FAM222B: variants seen among roughly 807,000 people sequenced by gnomAD.
FAM222B encodes the protein protein FAM222B.
A neutral mutation model predicts 38.0 loss-of-function variants in FAM222B; 12 were observed. The ratio of observed to expected loss-of-function variants is 0.32; its 90% confidence interval spans 0.20 to 0.51. The LOEUF (loss-of-function observed/expected upper bound fraction) is 0.51, where lower values mean the gene tolerates loss of function less well. Ranked by LOEUF, FAM222B falls within the 20% of genes least tolerant of loss-of-function variation. The pLI is 0.97. For synonymous variants in FAM222B, 329 were observed against 317.2 expected (o/e 1.04, Z -0.40); for missense variants, 716 against 754.2 (o/e 0.95, Z 0.59).
chr17:28,775,881 C>CAAA (rs576335143), intron 1 of FAM222B, among the ~76,000 whole-genome samples: 1 of 119,270 alleles, frequency 8.4e-6, no homozygotes, highest in African/African-American at 3.1e-5. Context: ...ACTCCATCTC[C>CAAA]AAAAAAAAAA....
Position 28,766,695 on chromosome 17 carries a change from G to A in FAM222B, c.-28C>T. 6.4e-7 allele frequency: 1 copy of A among 1,557,686 alleles called. No homozygotes were observed. Among genetic ancestry groups the A allele is most frequent in the Non-Finnish European group, 8.8e-7 (1 of 1,140,632 alleles). On this transcript the variant is annotated 5_prime_UTR_variant, in exon 2 of 3. Transcript: ENST00000581407. ...CAGATTGGCATCAACACAACATGGG[G>A]CAGTGGCTCACACTGTAATGAACAA... is the stretch of plus-strand genomic sequence containing the variant.
At position 28,759,215 on chromosome 17, in the gene FAM222B, A is replaced by G; in HGVS notation, c.744T>C (p.Thr248=). The change falls in exon 3 of 3, where the codon ACT becomes ACC. Residue 248 remains threonine (T), a synonymous_variant. Transcript: ENST00000581407. The surrounding 1 kb of genome is among the most constrained non-coding windows in gnomAD (Gnocchi z 4.8). ...APPNVTVSTS[T]IPLSMAATLQ... ...GAGTGGCCGCCATTGAAAGGGGGAT[A>G]GTTGAGGTAGACACGGTCACATTCG... The G allele has an allele frequency of 6.2e-7, 1 of 1,613,380 alleles. No homozygotes were observed. The highest frequency in any genetic ancestry group is 2.2e-5 in the East Asian group (1 of 44,856).
At chr17:28,846,015 A>T (rs1460719972), upstream of FAM222B, among the ~76,000 whole-genome samples, 1 of 151,046 alleles carries the variant, frequency 6.6e-6, no homozygotes, top group Non-Finnish European at 1.5e-5. Flanking sequence ...CATCCTGGCT[A>T]ACACGGTGAA....
chr17:28,818,257 G>A (rs149028643), intron 1 of FAM222B, among the ~76,000 whole-genome samples: 3 of 152,074 alleles, frequency 2.0e-5, no homozygotes, highest in East Asian at 1.9e-4. Flanking sequence ...GGCCAGGCGC[G>A]GTGGCTCACG....
chr17:28,767,140 G>A (rs1279732033), intron 1 of FAM222B: 1 of 154,090 alleles, frequency 6.5e-6, no homozygotes, highest in Non-Finnish European at 1.4e-5. Context: ...TTGTGAGCCA[G>A]TAATATGAAC....
At chr17:28,768,005 C>T (rs117201573) in intron 1 of FAM222B, among the ~76,000 whole-genome samples, 61 of 152,280 alleles carry the variant, frequency 4.0e-4, no homozygotes, top group South Asian at 1.9e-3. Flanking sequence ...ATGTCAAGAC[C>T]GCACGAGTTT....
chr17:28,759,254 G>A lies in FAM222B; in HGVS notation c.705C>T (p.Asp235=). ...CGGTCACATTCGGGGGGGCATCTGA[G>A]TCTGGCATCTTCCGGCCTCCATGCA... ...PLLHGGRKMP[D]SDAPPNVTVS... is the part of the protein sequence containing the mutation. Residue 235 remains aspartate, a synonymous_variant, in exon 3 of 3, where the codon GAC becomes GAT. Coordinates refer to ENST00000581407, the MANE Select transcript of FAM222B (RefSeq NM_001077498.3). This position sits in a 1 kb window ranked among gnomAD's most constrained non-coding sequence, Gnocchi z 4.8. 1.2e-6 allele frequency: 2 copies of A among 1,613,670 alleles called. No individual in the cohort carries two copies. The highest frequency in any genetic ancestry group is 1.7e-6 in the Non-Finnish European group (2 of 1,179,784).
chr17:28,782,937 ACCAT>A lies in FAM222B; in HGVS notation c.-40-16234_-40-16231del, dbSNP rs549949666. The stretch of plus-strand genomic sequence containing the variant: ...CGGATCACGAGGTCAGGAGATCGAG[ACCAT>A]CCTGGCTAACACAGTGAAACCCTGT... On this transcript the variant is annotated intron_variant, in intron 1 of 2. Coordinates refer to ENST00000581407, the MANE Select transcript of FAM222B (RefSeq NM_001077498.3). Among the ~76,000 whole-genome samples the A allele has an allele frequency of 3.1e-4, 47 of 152,162 alleles. No homozygotes were observed. The East Asian group carries it at 7.7e-3, about 25-fold the overall frequency.
At chr17:28,766,776 G>T in intron 1 of FAM222B, 69 bp from the exon 2 acceptor site, 1 of 875,292 alleles carries the variant, frequency 1.1e-6, no homozygotes, top group Non-Finnish European at 1.8e-6. Context: ...AGGAACACTG[G>T]ATATGACTGG....
chr17:28,782,079 A>AGATGGTAGGAT (rs2036189399), intron 1 of FAM222B, among the ~76,000 whole-genome samples: 2 of 152,186 alleles, frequency 1.3e-5, no homozygotes, highest in Admixed American at 6.6e-5. Flanking sequence ...TAATTCCAGC[A>AGATGGTAGGAT]CTTGGGAGCC....
chr17:28,836,470 G>A (rs2038848955), intron 1 of FAM222B, among the ~76,000 whole-genome samples: 1 of 152,002 alleles, frequency 6.6e-6, no homozygotes, highest in African/African-American at 2.4e-5. Context: ...AGTTAAAGAA[G>A]GAAGGGCTTT....
At chr17:28,827,892 G>A (rs1189775306) in intron 1 of FAM222B, among the ~76,000 whole-genome samples, 1 of 152,042 alleles carries the variant, frequency 6.6e-6, no homozygotes, top group Non-Finnish European at 1.5e-5. Context: ...GACTAGAGGG[G>A]TGATAAGCCT....
At chr17:28,784,242 G>C (rs536344087) in intron 1 of FAM222B, among the ~76,000 whole-genome samples, 44 of 152,102 alleles carry the variant, frequency 2.9e-4, no homozygotes, top group African/African-American at 1.0e-3. Flanking sequence ...AGGAGGCTGA[G>C]GTAGGAAGAC....
chr17:28,807,877 T>C (rs146923453), intron 1 of FAM222B, among the ~76,000 whole-genome samples: 1 of 152,222 alleles, frequency 6.6e-6, no homozygotes, highest in Non-Finnish European at 1.5e-5. Flanking sequence ...AATTCAAATG[T>C]CTGGTTTAAA....
intron 2 of FAM222B, among the ~76,000 whole-genome samples, chr17:28,763,434 C>G (rs2035180290): frequency 6.6e-6 from 1 of 152,234 alleles, no homozygotes. Flanking sequence ...TGGCCTTCAG[C>G]CTGAGAGTTA....
At chr17:28,850,712 T>C (rs2039175161) in intron 1 of FAM222B, among the ~76,000 whole-genome samples, 1 of 152,158 alleles carries the variant, frequency 6.6e-6, no homozygotes, top group South Asian at 2.1e-4. Flanking sequence ...TCTGTTTGCC[T>C]ATTTTCTTCT....
chr17:28,788,549 T>TA (rs1488800043), intron 1 of FAM222B, among the ~76,000 whole-genome samples: 1 of 152,082 alleles, frequency 6.6e-6, no homozygotes, highest in Non-Finnish European at 1.5e-5. Context: ...TCAGTATTGT[T>TA]ATTTATCAAA....
chr17:28,820,685 G>A (rs956271415), intron 1 of FAM222B, among the ~76,000 whole-genome samples: 3 of 151,636 alleles, frequency 2.0e-5, no homozygotes, highest in African/African-American at 7.3e-5. Context: ...CCAGGCTGGA[G>A]TGCAGTGGCA....
chr17:28,769,693 C>T (rs2035530050), intron 1 of FAM222B, among the ~76,000 whole-genome samples: 1 of 152,202 alleles, frequency 6.6e-6, no homozygotes, highest in Non-Finnish European at 1.5e-5. Context: ...CCAAGGCCCT[C>T]CATGATCTAT....
Sources: allele counts gnomAD v4.1 joint callset (sites outside exome capture counted in the v4.1 genomes callset), GRCh38; gene constraint gnomAD v4.1.1; non-coding constraint Gnocchi (gnomAD v3.1); transcripts MANE v1.5; gene names NCBI Gene and HGNC (gene_info 2026-07-23, HGNC 2026-07-21).